KTN1: variants seen among roughly 807,000 people sequenced by gnomAD.
KTN1 encodes kinectin.
In KTN1, 130 loss-of-function variants were observed where a neutral mutation model predicts 222.5. The observed-to-expected ratio is 0.58, with a 90% confidence interval of 0.51 to 0.68. The LOEUF is 0.68. Ranked by LOEUF, KTN1 falls within the 30% of genes least tolerant of loss-of-function variation. The probability of loss-of-function intolerance (pLI) is 0.00; values close to 1 mark genes in which losing one functional copy is unlikely to be tolerated. For synonymous variants in KTN1, 512 were observed against 496.3 expected, an observed-to-expected ratio of 1.03 and a Z score of -0.42; for missense variants, 1,508 against 1,500.4, an observed-to-expected ratio of 1.01 and a Z score of -0.08.
intron 41 of KTN1, among the ~76,000 whole-genome samples, chr14:55,676,974 A>G (rs1480131653): frequency 2.6e-5 from 4 of 152,338 alleles, no homozygotes; most frequent in East Asian, 3.9e-4. Flanking sequence ...GGATCAAAAT[A>G]TAAACATGGA....
intron 34 of KTN1, among the ~76,000 whole-genome samples, chr14:55,669,680 A>G (rs914928842): frequency 6.6e-6 from 1 of 152,184 alleles, no homozygotes; most frequent in African/African-American, 2.4e-5. Flanking sequence ...TTGGGTACCA[A>G]TAGTTGAAAC....
In KTN1 at chr14:55,678,457, T is replaced by C. The variant is rs765568447; in HGVS notation, c.3948+13T>C. On this transcript the variant is annotated intron_variant, in intron 42 of 43. Transcript: ENST00000395314. Reference sequence around the variant, plus strand: ...TTCCCCAGAAACGGTATGTATTTTCTTCATCCCCAGATCTCTGAGCTAGTT... The same window carrying C: ...TTCCCCAGAAACGGTATGTATTTTCCTCATCCCCAGATCTCTGAGCTAGTT... 4.2e-5 allele frequency: 63 copies of C among 1,516,288 alleles called. No individual in the cohort carries two copies. The highest frequency in any genetic ancestry group is 5.6e-5 in the Non-Finnish European group (61 of 1,091,074). 93.9% of individuals were successfully genotyped at this position (1,516,288 alleles called of 1,614,324 possible).
Position 55,659,659 on chromosome 14 carries a change from T to C in KTN1, c.2962-7T>C, listed in dbSNP as rs200385340. On this transcript the variant is annotated splice_polypyrimidine_tract_variant and splice_region_variant and intron_variant, in intron 30 of 43. Coordinates refer to ENST00000395314, the MANE Select transcript of KTN1 (RefSeq NM_001079521.2). ...TGTTCTGAAATAACATTTAACTCTT[T>C]TGATAGGCATCTTCTTTTCCCCCTC... 6.8e-7 allele frequency: 1 copy of C among 1,477,604 alleles called. No homozygotes were observed. The allele number at this position is 1,477,604 out of a possible 1,614,324, so 91.5% of individuals were successfully genotyped here.
chr14:55,662,328 G>T (rs1044663450), intron 32 of KTN1, among the ~76,000 whole-genome samples: 1 of 151,914 alleles, frequency 6.6e-6, no homozygotes, highest in Non-Finnish European at 1.5e-5. Flanking sequence ...CCTCGGCCTC[G>T]CAAAGTGCTG....
chr14:55,592,981 A>G (rs1469969032), intron 1 of KTN1, among the ~76,000 whole-genome samples: 2 of 151,500 alleles, frequency 1.3e-5, no homozygotes, highest in African/African-American at 4.9e-5. Context: ...TTGTTCTATC[A>G]TTTTTTTCTC....
chr14:55,590,028 C>T (rs978510479), intron 1 of KTN1, among the ~76,000 whole-genome samples: 1 of 152,116 alleles, frequency 6.6e-6, no homozygotes, highest in African/African-American at 2.4e-5. Context: ...ACCACACATA[C>T]AAACCTAGAT....
At chr14:55,679,248 TC>T (rs1320683923) in intron 42 of KTN1, 1 of 252,866 alleles carries the variant, frequency 4.0e-6, no homozygotes, top group Non-Finnish European at 7.4e-6. Flanking sequence ...GAATGTACTT[TC>T]TTTTGCGGGG....
In KTN1 at chr14:55,639,126, G is replaced by A. The variant is rs2041477333; in HGVS notation, c.1786-59G>A. 4 of 1,092,774 alleles carry A rather than the reference G, an allele frequency of 3.7e-6. No individual in the cohort carries two copies. The East Asian group carries it at 7.1e-5, about 19-fold the overall frequency. 67.7% of individuals were successfully genotyped at this position (1,092,774 alleles called of 1,614,324 possible). ...AAAATTTAAAGCTGTTATGATTATT[G>A]TATAGCTATAAAGCTTTCTCTTAAA... On this transcript the variant is annotated intron_variant, in intron 12 of 43. Transcript: ENST00000395314.
chr14:55,583,963 T>TA (rs1450794204), intron 1 of KTN1, among the ~76,000 whole-genome samples: 1 of 152,206 alleles, frequency 6.6e-6, no homozygotes, highest in African/African-American at 2.4e-5. Context: ...AATCAGTACT[T>TA]ACTGCTTCCA....
intron 3 of KTN1, among the ~76,000 whole-genome samples, chr14:55,617,263 T>C (rs1007492159): frequency 6.6e-6 from 1 of 152,240 alleles, no homozygotes; most frequent in Non-Finnish European, 1.5e-5. Flanking sequence ...AGAAGAGACA[T>C]ATATAAGTAA....
At chr14:55,680,785 C>T (rs1411461520) in intron 43 of KTN1, 3 of 987,288 alleles carry the variant, frequency 3.0e-6, no homozygotes, top group Admixed American at 1.9e-5. Flanking sequence ...AAGCCCAGCT[C>T]ATTCTTCAAC....
chr14:55,683,135 T>C (rs1464059973), intron 43 of KTN1: 1 of 152,174 alleles, frequency 6.6e-6, no homozygotes, highest in Non-Finnish European at 1.5e-5. Flanking sequence ...TTAGCTATCA[T>C]ATGGATCAGG....
intron 12 of KTN1, 117 bp downstream of exon 12, chr14:55,637,964 A>C: frequency 1.4e-6 from 1 of 703,956 alleles, no homozygotes; most frequent in Non-Finnish European, 2.4e-6. Flanking sequence ...TCAATGAATC[A>C]ACAAATGATG....
intron 13 of KTN1, 140 bp downstream of exon 13, chr14:55,639,362 C>CTTTTTTTTTTTTTTTTTTTTTTTTTTT (rs369782699): frequency 6.0e-6 from 2 of 334,490 alleles, no homozygotes; most frequent in African/African-American, 2.5e-5. Context: ...GCAACTTTTG[C>CTTTTTTTTTTTTTTTTTTTTTTTTTTT]TTTTTTTTTT....
chr14:55,676,108 T>A (rs2045872132), intron 41 of KTN1, among the ~76,000 whole-genome samples, 190 bp downstream of exon 41: 1 of 152,198 alleles, frequency 6.6e-6, no homozygotes, highest in African/African-American at 2.4e-5. Context: ...CCAGGATTCT[T>A]AATTCACCTC....
chr14:55,654,956 A>G (rs1050387408), intron 28 of KTN1, among the ~76,000 whole-genome samples: 28 of 152,026 alleles, frequency 1.8e-4, no homozygotes, highest in African/African-American at 5.6e-4. Flanking sequence ...ATCATACAGT[A>G]TATGGCTTTT....
chr14:55,585,926 G>C (rs1008073947), intron 1 of KTN1, among the ~76,000 whole-genome samples: 2 of 152,114 alleles, frequency 1.3e-5, no homozygotes, highest in Non-Finnish European at 2.9e-5. Flanking sequence ...TTTTGACTCT[G>C]AGTAACATCT....
chr14:55,639,269 C>CAAGTATCAGTTAG, intron 13 of KTN1, 47 bp downstream of exon 13: 1 of 1,336,818 alleles, frequency 7.5e-7, no homozygotes, highest in Non-Finnish European at 1.1e-6. Context: ...TCACCACTAA[C>CAAGTATCAGTTAG]TGATACTTGT....
intron 8 of KTN1, among the ~76,000 whole-genome samples, chr14:55,634,274 G>A (rs1185309940): frequency 6.6e-6 from 1 of 152,176 alleles, no homozygotes; most frequent in African/African-American, 2.4e-5. Flanking sequence ...AGACCAGTTT[G>A]AAGGTGACAC....
Sources: gnomAD v4.1 joint callset for allele counts (sites outside exome capture counted in the v4.1 genomes callset) on GRCh38, gnomAD v4.1.1 for gene constraint, MANE v1.5 for transcripts, NCBI Gene and HGNC (gene_info 2026-07-23, HGNC 2026-07-21) for gene names.